The following DMD variants were observed in gnomAD, a reference collection of about 807,000 sequenced individuals.
The protein encoded by DMD is dystrophin.
A neutral mutation model predicts 330.1 loss-of-function variants in DMD; 63 were observed. The observed-to-expected ratio is 0.19, with a 90% confidence interval of 0.16 to 0.24. The LOEUF (loss-of-function observed/expected upper bound fraction) is 0.24, where lower values mean the gene tolerates loss of function less well. Ranked by LOEUF, DMD falls within the 10% of genes least tolerant of loss-of-function variation. DMD has a pLI of 1.00. For missense variants in DMD, 3,344 were observed against 2,684.1 expected (o/e 1.25, Z -5.43); for synonymous variants, 1,223 against 959.8 (o/e 1.27, Z -5.07).
chrX:31,318,779 A>C (rs1471943747), intron 62 of DMD, among the ~76,000 whole-genome samples: 1 of 112,083 alleles, frequency 8.9e-6, no homozygotes, highest in Non-Finnish European at 1.9e-5. Context: ...GGCTTCAGAG[A>C]TATTTCGAAA....
intron 63 of DMD, 145 bp downstream of exon 63, chrX:31,260,810 A>C: frequency 2.0e-6 from 1 of 503,893 alleles, no homozygotes; most frequent in Non-Finnish European, 3.3e-6. Flanking sequence ...CTGACTGTCA[A>C]TTTTGGATAG....
chrX:32,314,912 A>C (rs1207991851), intron 41 of DMD, among the ~76,000 whole-genome samples: 1 of 111,842 alleles, frequency 8.9e-6, no homozygotes, highest in African/African-American at 3.3e-5. Flanking sequence ...AGATGTGGAG[A>C]AATAGGAACT....
chrX:31,284,557 T>TTTCTTCTTCTTCTTCTTCTTTTTCTTC (rs2052898728), intron 62 of DMD, among the ~76,000 whole-genome samples: 1 of 78,066 alleles, frequency 1.3e-5, no homozygotes, highest in African/African-American at 5.2e-5. Flanking sequence ...TAACGAACTG[T>TTTCTTCTTCTTCTTCTTCTTTTTCTTC]TTCTTCTTCT....
intron 16 of DMD, among the ~76,000 whole-genome samples, chrX:32,564,989 T>A (rs780566516): frequency 1.4e-3 from 157 of 111,856 alleles, no homozygotes; most frequent in African/African-American, 4.9e-3. Flanking sequence ...AATGTTTATA[T>A]CTTGAATGAC....
chrX:32,523,548 C>G (rs760365637), intron 17 of DMD, among the ~76,000 whole-genome samples: 2 of 112,318 alleles, frequency 1.8e-5, no homozygotes, highest in African/African-American at 6.5e-5. Context: ...ACAGGCCTGG[C>G]TGGTTGTCCC....
chrX:32,801,287 T>A (rs1310557441), intron 7 of DMD, among the ~76,000 whole-genome samples: 1 of 111,725 alleles, frequency 9.0e-6, no homozygotes, highest in Non-Finnish European at 1.9e-5. Flanking sequence ...GATGATGAAC[T>A]TTTTTTTCAC....
chrX:32,563,214 C>T (rs759768429), intron 16 of DMD, among the ~76,000 whole-genome samples: 2 of 108,200 alleles, frequency 1.8e-5, no homozygotes, highest in East Asian at 5.8e-4. Flanking sequence ...ATGGTAGGCA[C>T]CTGTAGTCCC....
At chrX:33,031,317 A>C (rs1328580194) in intron 1 of DMD, among the ~76,000 whole-genome samples, 5 of 110,464 alleles carry the variant, frequency 4.5e-5, no homozygotes, top group Non-Finnish European at 7.6e-5. Context: ...AAAAAAAAAA[A>C]CAATGGAACA....
At chrX:32,463,367 G>C (rs1206955326) in intron 25 of DMD, 72 bp downstream of exon 25, 3 of 1,009,353 alleles carry the variant, frequency 3.0e-6, no homozygotes, top group East Asian at 3.3e-5. Flanking sequence ...CAAAAGTAAC[G>C]GTGAAGGGAG....
intron 44 of DMD, among the ~76,000 whole-genome samples, chrX:32,176,333 C>G (rs1056753297): frequency 9.0e-6 from 1 of 111,592 alleles, no homozygotes; most frequent in African/African-American, 3.3e-5. Context: ...ACGTAGTGTG[C>G]AGGATATTAC....
intron 43 of DMD, among the ~76,000 whole-genome samples, chrX:32,229,776 A>G (rs921881610): frequency 1.5e-4 from 14 of 94,732 alleles, no homozygotes; most frequent in Admixed American, 6.1e-4. Context: ...CATCGCCACC[A>G]TGAAGGCTAT....
chrX:32,781,845 GA>G, intron 7 of DMD, among the ~76,000 whole-genome samples: 1 of 111,079 alleles, frequency 9.0e-6, no homozygotes, highest in South Asian at 3.8e-4. Flanking sequence ...TACAGATAAA[GA>G]ACATTTGAGT....
At chrX:32,041,925 T>C (rs1384141799) in intron 44 of DMD, among the ~76,000 whole-genome samples, 3 of 103,703 alleles carry the variant, frequency 2.9e-5, no homozygotes, top group Non-Finnish European at 5.9e-5. Flanking sequence ...TTGACGAACC[T>C]GTACTTGGAG....
chrX:33,307,647 C>T (rs779757355), intron 1 of DMD, among the ~76,000 whole-genome samples: 48 of 111,480 alleles, frequency 4.3e-4, no homozygotes, highest in Non-Finnish European at 7.5e-4. Flanking sequence ...GAGCCATGCG[C>T]CACTGCACTC....
chrX:32,277,016 C>T (rs760709879), intron 43 of DMD, among the ~76,000 whole-genome samples: 3 of 110,890 alleles, frequency 2.7e-5, no homozygotes, highest in Non-Finnish European at 5.7e-5. Context: ...AAAAATAAGA[C>T]CCAATTTTGT....
At chrX:31,201,201 A>ACACACG (rs2043430435) in intron 67 of DMD, among the ~76,000 whole-genome samples, 1 of 88,765 alleles carries the variant, frequency 1.1e-5, no homozygotes, top group African/African-American at 3.7e-5. Context: ...ACACACACGC[A>ACACACG]CACACACACA....
chrX:32,530,140 TC>T lies in DMD; in HGVS notation c.2169-12010del, dbSNP rs1169793862. Among the ~76,000 whole-genome samples, 3 of 111,782 alleles carry T rather than the reference TC, an allele frequency of 2.7e-5. No individual in the cohort carries two copies. In the Admixed American group the frequency reaches 2.8e-4, roughly 11 times the overall value. On this transcript the variant is annotated intron_variant, in intron 17 of 78. Transcript: ENST00000357033. ...ATTCTAGTCCAAGCACAAAATATTG[TC>T]CTTAAAATTGTACATCTTCTTTATT...
chrX:32,622,274 A>C (rs906232355), intron 11 of DMD, among the ~76,000 whole-genome samples: 1 of 111,817 alleles, frequency 8.9e-6, no homozygotes, highest in Admixed American at 9.5e-5. Flanking sequence ...GTTTGAAAAC[A>C]GAAGAACCTA....
intron 44 of DMD, among the ~76,000 whole-genome samples, chrX:32,125,256 A>G (rs2096656051): frequency 9.0e-6 from 1 of 111,567 alleles, no homozygotes; most frequent in East Asian, 2.8e-4. Context: ...TAATGGGCAT[A>G]AAGAAAAACT....
Sources: allele counts gnomAD v4.1 joint callset (sites outside exome capture counted in the v4.1 genomes callset), GRCh38; gene constraint gnomAD v4.1.1; transcripts MANE v1.5; gene names NCBI Gene and HGNC (gene_info 2026-07-23, HGNC 2026-07-21).